Variants in SEMA5A observed in about 807,000 individuals in gnomAD.
The protein encoded by SEMA5A is semaphorin-5A.
In SEMA5A, 55 loss-of-function variants were observed where a neutral mutation model predicts 135.5. The ratio of observed to expected loss-of-function variants is 0.41; its 90% CI spans 0.33 to 0.51. SEMA5A has a LOEUF of 0.51. Ranked by LOEUF, SEMA5A falls within the 20% of genes least tolerant of loss-of-function variation. The pLI, the probability that SEMA5A is intolerant of heterozygous loss-of-function variation, is 0.37. For synonymous variants in SEMA5A, 580 were observed against 546.5 expected, an observed-to-expected ratio of 1.06 and a Z score of -0.85; for missense variants, 1,290 against 1,419.9, an observed-to-expected ratio of 0.91 and a Z score of 1.47.
chr5:9,177,427 G>C (rs988687883), intron 11 of SEMA5A, among the ~76,000 whole-genome samples: 5 of 152,180 alleles, frequency 3.3e-5, no homozygotes, highest in Non-Finnish European at 7.3e-5. Flanking sequence ...ATATGCCTGA[G>C]GTTCTATGAG....
At chr5:9,368,235 T>C (rs986063661) in intron 3 of SEMA5A, among the ~76,000 whole-genome samples, 1 of 152,218 alleles carries the variant, frequency 6.6e-6, no homozygotes, top group African/African-American at 2.4e-5. Context: ...TCTTTCACAT[T>C]GTAAAGTTCT....
intron 18 of SEMA5A, among the ~76,000 whole-genome samples, chr5:9,057,170 T>A (rs186741053): frequency 1.3e-5 from 2 of 152,326 alleles, no homozygotes; most frequent in East Asian, 3.9e-4. Flanking sequence ...AACTTCCAGT[T>A]ATTCAAAATG....
At chr5:9,326,187 C>CT (rs1175344471) in intron 4 of SEMA5A, among the ~76,000 whole-genome samples, 1 of 152,178 alleles carries the variant, frequency 6.6e-6, no homozygotes, top group African/African-American at 2.4e-5. Context: ...TGGCACAGAA[C>CT]TTTTCAAGTA....
intron 11 of SEMA5A, among the ~76,000 whole-genome samples, chr5:9,184,378 T>C (rs1744694370): frequency 6.6e-6 from 1 of 152,172 alleles, no homozygotes; most frequent in South Asian, 2.1e-4. Context: ...GCTTTGAAAT[T>C]TGCAGACTCA....
At chr5:9,182,158 C>G (rs557390336) in intron 11 of SEMA5A, among the ~76,000 whole-genome samples, 2 of 141,302 alleles carry the variant, frequency 1.4e-5, no homozygotes, top group African/African-American at 2.8e-5. Flanking sequence ...TGCCCCCCAC[C>G]CCAAAAAAAA....
rs377756682 is a variant in SEMA5A, at chr5:9,066,514, G to A, written c.2206C>T (p.Arg736Cys). 1.5e-5 allele frequency: 25 copies of A among 1,614,112 alleles called. No homozygotes were observed. The highest frequency in any genetic ancestry group is 1.9e-5 in the Non-Finnish European group (23 of 1,180,010). ...TCCAGCAAATTCGGATCAGCCAGGC[G>A]GGCTTTGCATGTGTATCGGAATCGT... ...EQRFRYTCKA[R>C]LADPNLLEVG... Residue 736 changes from arginine (R) to cysteine (C), a missense_variant, in exon 17 of 23, where the codon CGC becomes TGC. By Grantham distance (180) the Arg-to-Cys change is radical. Coordinates refer to ENST00000382496, the MANE Select transcript of SEMA5A (RefSeq NM_003966.3).
rs116784338 is a variant in SEMA5A, at chr5:9,529,359, C to G, written c.-175+16225G>C. ...TCCTAGAGGTCAGGATCCTACTTGG[C>G]CAGCCCTCGTGGGCAGCCTGCCCCT... On this transcript the variant is annotated intron_variant, in intron 1 of 22. Coordinates refer to ENST00000382496, the MANE Select transcript of SEMA5A (RefSeq NM_003966.3). Among the ~76,000 whole-genome samples, 956 of 152,338 alleles carry G rather than the reference C, an allele frequency of 6.3e-3. 12 individuals are homozygous for G. Among genetic ancestry groups the G allele is most frequent in the African/African-American group, 0.022 (909 of 41,576 alleles).
At chr5:9,067,724 T>C (rs1352614963) in intron 16 of SEMA5A, among the ~76,000 whole-genome samples, 1 of 152,248 alleles carries the variant, frequency 6.6e-6, no homozygotes. Flanking sequence ...CCTTTGGTTT[T>C]AGAAATATTC....
intron 2 of SEMA5A, among the ~76,000 whole-genome samples, chr5:9,431,876 TAAGAA>T (rs1757868702): frequency 6.6e-6 from 1 of 151,882 alleles, no homozygotes; most frequent in Non-Finnish European, 1.5e-5. Context: ...ATCACGAAAC[TAAGAA>T]AAGAAAATGA....
At chr5:9,175,726 T>C (rs1407731681) in intron 11 of SEMA5A, among the ~76,000 whole-genome samples, 1 of 152,220 alleles carries the variant, frequency 6.6e-6, no homozygotes, top group Non-Finnish European at 1.5e-5. Flanking sequence ...CCAACGTAAT[T>C]ACTTGTGCAG....
rs1468564456 is a variant in SEMA5A, at chr5:9,281,493, C to T, written c.270+36879G>A. The stretch of plus-strand genomic sequence containing the variant: ...GTCCTATGCTGCCCAGGGCAGCCTA[C>T]ACAACAGTGAATTATCTAGCGTAAA... On this transcript the variant is annotated intron_variant, in intron 5 of 22. Transcript: ENST00000382496. 2.0e-5 allele frequency among the ~76,000 whole-genome samples: 3 copies of T among 152,328 alleles called. No homozygotes were observed. In the East Asian group the frequency reaches 5.8e-4, roughly 29 times the overall value.
intron 1 of SEMA5A, among the ~76,000 whole-genome samples, chr5:9,493,987 GTACCT>G (rs1196392991): frequency 1.2e-4 from 19 of 152,078 alleles, no homozygotes; most frequent in Non-Finnish European, 2.5e-4. Context: ...GCTAAATATT[GTACCT>G]ATTTTTGGTA....
intron 8 of SEMA5A, among the ~76,000 whole-genome samples, chr5:9,217,693 T>G (rs1746711336): frequency 6.6e-6 from 1 of 152,220 alleles, no homozygotes; most frequent in African/African-American, 2.4e-5. Flanking sequence ...GTTTTGTTCA[T>G]TCCTTTTATT....
chr5:9,318,280 T>G, intron 5 of SEMA5A, 92 bp downstream of exon 5: 1 of 1,269,808 alleles, frequency 7.9e-7, no homozygotes. Flanking sequence ...CAGGCTGGAT[T>G]AACACCTTTA....
intron 2 of SEMA5A, among the ~76,000 whole-genome samples, chr5:9,433,184 G>C (rs901902312): frequency 6.6e-6 from 1 of 152,076 alleles, no homozygotes; most frequent in African/African-American, 2.4e-5. Context: ...ATAAAACATT[G>C]AGAAGGTTTT....
At chr5:9,079,534 A>G (rs1270351259) in intron 16 of SEMA5A, among the ~76,000 whole-genome samples, 3 of 151,920 alleles carry the variant, frequency 2.0e-5, no homozygotes, top group Non-Finnish European at 4.4e-5. Flanking sequence ...ATTCAAAAGC[A>G]AGCAGATGAC....
intron 3 of SEMA5A, among the ~76,000 whole-genome samples, chr5:9,360,401 G>A (rs1754640169): frequency 6.6e-6 from 1 of 152,118 alleles, no homozygotes; most frequent in Non-Finnish European, 1.5e-5. Context: ...ATATAATTGA[G>A]AAAATATACA....
In SEMA5A at chr5:9,160,192, A is replaced by G. The variant is rs142443903; in HGVS notation, c.1274-5497T>C. Among the ~76,000 whole-genome samples the G allele has an allele frequency of 1.5e-3, 222 of 152,260 alleles. 4 individuals are homozygous for G. The East Asian group carries it at 0.027, about 18-fold the overall frequency. ...TTGCTATTGTTGTTGTTAAGAAGAAATAAAGAAAGAAAAGTCAGCATTCTC... is the reference window on the plus strand; with the variant it reads ...TTGCTATTGTTGTTGTTAAGAAGAAGTAAAGAAAGAAAAGTCAGCATTCTC... On this transcript the variant is annotated intron_variant, in intron 11 of 22. Transcript: ENST00000382496.
intron 3 of SEMA5A, among the ~76,000 whole-genome samples, chr5:9,342,869 C>T (rs1423109971): frequency 1.3e-5 from 2 of 152,136 alleles, no homozygotes; most frequent in Non-Finnish European, 2.9e-5. Context: ...GATACAAACC[C>T]AACCAGCATA....
Sources: gnomAD v4.1 joint callset for allele counts (sites outside exome capture counted in the v4.1 genomes callset) on GRCh38, gnomAD v4.1.1 for gene constraint, MANE v1.5 for transcripts, NCBI Gene and HGNC (gene_info 2026-07-23, HGNC 2026-07-21) for gene names.